The following SAMTOR variants were observed in gnomAD, a reference collection of about 807,000 sequenced individuals.
The protein encoded by SAMTOR is UPF0532 protein C7orf60.
the SAMTOR span, among the ~76,000 whole-genome samples, chr7:112,912,385 T>C: frequency 6.6e-6 from 1 of 152,040 alleles, no homozygotes; most frequent in African/African-American, 2.4e-5. Context: ...ACATATAAAA[T>C]TTTATTATTC....
chr7:112,840,442 A>C, the SAMTOR span, among the ~76,000 whole-genome samples: 1 of 151,832 alleles, frequency 6.6e-6, no homozygotes, highest in East Asian at 1.9e-4. Flanking sequence ...AGATAGCTTT[A>C]GAATTTCTTT....
At chr7:112,849,775 A>G in the SAMTOR span, among the ~76,000 whole-genome samples, 4 of 152,310 alleles carry the variant, frequency 2.6e-5, no homozygotes, top group African/African-American at 9.6e-5. Flanking sequence ...ATGTTCCTGC[A>G]ATGCCTAGTT....
chr7:112,858,287 G>C, the SAMTOR span, among the ~76,000 whole-genome samples: 1 of 151,512 alleles, frequency 6.6e-6, no homozygotes, highest in East Asian at 1.9e-4. Context: ...AGGATAACAT[G>C]ATAGAAACAA....
the SAMTOR span, among the ~76,000 whole-genome samples, chr7:112,824,388 T>C: frequency 1.8e-4 from 28 of 152,110 alleles, no homozygotes; most frequent in East Asian, 5.2e-3. Context: ...TGAGATGGAG[T>C]CTCACTCTGT....
the SAMTOR span, among the ~76,000 whole-genome samples, chr7:112,928,840 GA>G: frequency 1.1e-4 from 16 of 151,966 alleles, no homozygotes; most frequent in South Asian, 3.3e-3. Flanking sequence ...ATTGTCAAAA[GA>G]AAACCTTGCA....
chr7:112,924,819 C>CT, the SAMTOR span, among the ~76,000 whole-genome samples: 52 of 151,432 alleles, frequency 3.4e-4, no homozygotes, highest in African/African-American at 8.7e-4. Context: ...GGCCAATGTT[C>CT]TTTTTTTTTT....
the SAMTOR span, among the ~76,000 whole-genome samples, chr7:112,912,885 A>T: frequency 6.6e-6 from 1 of 152,168 alleles, no homozygotes; most frequent in African/African-American, 2.4e-5. Context: ...AGGTGAAAGC[A>T]ATTGCTCCAA....
At chr7:112,830,975 C>T in the SAMTOR span, among the ~76,000 whole-genome samples, 1 of 150,264 alleles carries the variant, frequency 6.7e-6, no homozygotes, top group African/African-American at 2.5e-5. Flanking sequence ...GGATCAGAGA[C>T]TAGAAAATGG....
chr7:112,878,410 A>G, the SAMTOR span, among the ~76,000 whole-genome samples: 7 of 152,132 alleles, frequency 4.6e-5, no homozygotes, highest in African/African-American at 1.7e-4. Context: ...TTCACAGACC[A>G]TTCTCTTCCT....
At chr7:112,918,834 A>C in the SAMTOR span, among the ~76,000 whole-genome samples, 13 of 152,208 alleles carry the variant, frequency 8.5e-5, no homozygotes, top group African/African-American at 3.1e-4. Flanking sequence ...ACCAACAAAG[A>C]TCAAAAGAGA....
the SAMTOR span, among the ~76,000 whole-genome samples, chr7:112,879,226 T>C: frequency 2.2e-4 from 33 of 149,054 alleles, no homozygotes; most frequent in African/African-American, 7.9e-4. Context: ...GTCAGAGGTC[T>C]GAACTGAAGA....
the SAMTOR span, among the ~76,000 whole-genome samples, chr7:112,931,023 A>G: frequency 2.0e-5 from 3 of 152,210 alleles, no homozygotes; most frequent in African/African-American, 7.2e-5. Flanking sequence ...TGTCAGTCAA[A>G]TGCAGTTATT....
chr7:112,866,710 T>C, the SAMTOR span, among the ~76,000 whole-genome samples: 1 of 152,176 alleles, frequency 6.6e-6, no homozygotes, highest in Admixed American at 6.5e-5. Flanking sequence ...AACTTCATGG[T>C]AGAAGGTTTA....
the SAMTOR span, among the ~76,000 whole-genome samples, chr7:112,885,244 T>G: frequency 6.6e-6 from 1 of 152,158 alleles, no homozygotes; most frequent in Non-Finnish European, 1.5e-5. Context: ...GGGGCTGCTG[T>G]GAAGATCTCT....
At chr7:112,858,420 A>G in the SAMTOR span, among the ~76,000 whole-genome samples, 1 of 151,960 alleles carries the variant, frequency 6.6e-6, no homozygotes, top group Non-Finnish European at 1.5e-5. Flanking sequence ...GAAAGCAGCA[A>G]TGTAAAAACA....
the SAMTOR span, among the ~76,000 whole-genome samples, chr7:112,824,631 G>GTGTA: frequency 2.6e-4 from 39 of 152,262 alleles, no homozygotes; most frequent in African/African-American, 9.1e-4. Flanking sequence ...AAAGTGCTGG[G>GTGTA]ATTACAGGCA....
At chr7:112,890,785 G>T in the SAMTOR span, among the ~76,000 whole-genome samples, 16 of 151,914 alleles carry the variant, frequency 1.1e-4, no homozygotes, top group African/African-American at 3.9e-4. Flanking sequence ...CCACCTTCCA[G>T]GCTCAAGTGA....
At chr7:112,920,057 C>T in the SAMTOR span, among the ~76,000 whole-genome samples, 13 of 152,138 alleles carry the variant, frequency 8.5e-5, no homozygotes, top group Non-Finnish European at 1.9e-4. Flanking sequence ...TGAAACTATT[C>T]CAATCAACAG....
chr7:112,922,113 G>A, the SAMTOR span, among the ~76,000 whole-genome samples: 3 of 152,102 alleles, frequency 2.0e-5, no homozygotes, highest in Non-Finnish European at 2.9e-5. Context: ...GCGCCGCCAC[G>A]CCTGACTGGT....
Sources: allele counts gnomAD v4.1 joint callset (sites outside exome capture counted in the v4.1 genomes callset), GRCh38; gene constraint gnomAD v4.1.1; transcripts MANE v1.5; gene names NCBI Gene and HGNC (gene_info 2026-07-23, HGNC 2026-07-21).